CELF2: variants seen among roughly 807,000 people sequenced by gnomAD.
CELF2 encodes the protein CUGBP Elav-like family member 2.
Under a neutral mutation model 62.6 loss-of-function variants are expected in CELF2, and 8 were observed. That is an observed-to-expected ratio of 0.13 (90% CI 0.07 to 0.23). CELF2 has a LOEUF of 0.23. Among genes scored for constraint, CELF2 ranks in the 10% least tolerant of loss-of-function variants. The pLI, the probability that CELF2 is intolerant of heterozygous loss-of-function variation, is 1.00. For missense variants in CELF2, 333 were observed against 671.0 expected (o/e 0.50, Z 5.56); for synonymous variants, 258 against 250.0 (o/e 1.03, Z -0.30).
At chr10:10,674,646 G>C in the CELF2 span, among the ~76,000 whole-genome samples, 1 of 152,030 alleles carries the variant, frequency 6.6e-6, no homozygotes, top group Non-Finnish European at 1.5e-5. Context: ...TTGAGGATTT[G>C]ATATGACTCT....
intron 1 of CELF2, chr10:11,030,622 C>G (rs1055711579): frequency 6.6e-6 from 1 of 152,268 alleles, no homozygotes; most frequent in Non-Finnish European, 1.5e-5. Flanking sequence ...CTCTGTTCCT[C>G]GTTTCCAAAG....
chr10:10,515,967 G>A, the CELF2 span, among the ~76,000 whole-genome samples: 1 of 152,172 alleles, frequency 6.6e-6, no homozygotes, highest in Non-Finnish European at 1.5e-5. Flanking sequence ...ACCAATCTTA[G>A]ATTTGATAAG....
Position 11,046,234 on chromosome 10 carries a change from C to T in CELF2, c.74+28071C>T, listed in dbSNP as rs1411624107. ...ACGCTGGGCCCATCCCCAGACGTTC[C>T]GATTCAGCGGGTCCAAGGTGGGGCT... On this transcript the variant is annotated intron_variant, in intron 1 of 12. Coordinates refer to ENST00000633077, the MANE Select transcript of CELF2 (RefSeq NM_001326342.2). The surrounding 1 kb of genome is among the most constrained non-coding windows in gnomAD (Gnocchi z 4.6). 2.6e-5 allele frequency among the ~76,000 whole-genome samples: 4 copies of T among 152,174 alleles called. No homozygotes were observed. Among genetic ancestry groups the T allele is most frequent in the East Asian group, 1.9e-4 (1 of 5,192 alleles).
the CELF2 span, among the ~76,000 whole-genome samples, chr10:10,691,741 A>G: frequency 2.5e-4 from 36 of 145,680 alleles, no homozygotes; most frequent in Admixed American, 8.9e-4. Flanking sequence ...TTTGATTTGC[A>G]TTTCTCTGAT....
intron 1 of CELF2, among the ~76,000 whole-genome samples, chr10:10,896,510 A>G (rs367559742): frequency 6.6e-6 from 1 of 152,020 alleles, no homozygotes; most frequent in African/African-American, 2.4e-5. Flanking sequence ...ATGGGGTCAC[A>G]CTAGATTAGG....
At chr10:11,215,797 TA>T (rs2063201949) in intron 2 of CELF2, among the ~76,000 whole-genome samples, 1 of 152,202 alleles carries the variant, frequency 6.6e-6, no homozygotes, top group South Asian at 2.1e-4. Context: ...GTTTTTCTTC[TA>T]AAAATGGTTA....
intron 3 of CELF2, among the ~76,000 whole-genome samples, chr10:11,230,713 T>G (rs2068326813): frequency 6.6e-6 from 1 of 152,202 alleles, no homozygotes; most frequent in South Asian, 2.1e-4. Context: ...AATCTCTGAG[T>G]GGGACTTACA....
the CELF2 span, among the ~76,000 whole-genome samples, chr10:10,490,037 C>A: frequency 6.6e-6 from 1 of 152,088 alleles, no homozygotes; most frequent in Non-Finnish European, 1.5e-5. Context: ...TGTTATTTAT[C>A]TGAAACATCA....
At chr10:11,084,915 T>C (rs2075016092) in intron 1 of CELF2, among the ~76,000 whole-genome samples, 1 of 152,240 alleles carries the variant, frequency 6.6e-6, no homozygotes, top group Non-Finnish European at 1.5e-5. Context: ...TTAATATCAT[T>C]ACGGAAATTC....
At position 10,990,604 on chromosome 10, in the gene CELF2, A is replaced by G. The variant is rs541579822; in HGVS notation, c.89+70605A>G. On this transcript the variant is annotated intron_variant, in intron 2 of 13. Coordinates refer to the CELF2 transcript ENST00000636488. The surrounding 1 kb of genome is among the most constrained non-coding windows in gnomAD (Gnocchi z 4.6). ...TAAAGTTTTAGTAGTATAATAGTAT[A>G]ATATACGCTCAGTGGCAATTCAGTG... 3.1e-4 allele frequency among the ~76,000 whole-genome samples: 47 copies of G among 152,320 alleles called. No individual in the cohort carries two copies. The South Asian group carries it at 4.4e-3, about 14-fold the overall frequency.
chr10:10,849,326 C>T (rs1283777671), intron 1 of CELF2, among the ~76,000 whole-genome samples: 2 of 151,924 alleles, frequency 1.3e-5, no homozygotes, highest in African/African-American at 2.4e-5. Context: ...AGAAGAATCA[C>T]GAACCAGGAG....
the CELF2 span, among the ~76,000 whole-genome samples, chr10:10,622,731 G>T: frequency 6.6e-6 from 1 of 152,166 alleles, no homozygotes; most frequent in East Asian, 1.9e-4. Context: ...TAGTAATGAG[G>T]TGAAGGAGAG....
the CELF2 span, among the ~76,000 whole-genome samples, chr10:10,715,724 T>C: frequency 1.3e-5 from 2 of 152,176 alleles, no homozygotes; most frequent in Non-Finnish European, 2.9e-5. Flanking sequence ...GAGACTAAAA[T>C]AACTCCTCTC....
the CELF2 span, among the ~76,000 whole-genome samples, chr10:10,513,564 C>A: frequency 6.6e-6 from 1 of 151,996 alleles, no homozygotes; most frequent in African/African-American, 2.4e-5. Context: ...AGCAAGGAAA[C>A]CTCATTTTAT....
chr10:10,986,194 G>T (rs890855872), intron 2 of CELF2, among the ~76,000 whole-genome samples: 1 of 151,830 alleles, frequency 6.6e-6, no homozygotes, highest in Non-Finnish European at 1.5e-5. Flanking sequence ...AAAAAAAAAG[G>T]TATATTCTCT....
At chr10:10,614,275 A>G in the CELF2 span, among the ~76,000 whole-genome samples, 1 of 151,992 alleles carries the variant, frequency 6.6e-6, no homozygotes, top group Non-Finnish European at 1.5e-5. Flanking sequence ...TTGAACACCA[A>G]TTAGATGACT....
chr10:10,676,233 T>C, the CELF2 span, among the ~76,000 whole-genome samples: 2 of 152,174 alleles, frequency 1.3e-5, no homozygotes, highest in African/African-American at 4.8e-5. Flanking sequence ...TGGAGTGGGC[T>C]AGAGTTGAGT....
intron 1 of CELF2, among the ~76,000 whole-genome samples, chr10:10,844,042 G>A (rs942608696): frequency 1.3e-5 from 2 of 151,746 alleles, no homozygotes; most frequent in East Asian, 1.9e-4. Flanking sequence ...GTCCTACCTC[G>A]GGTGCTTCTG....
At position 11,296,905 on chromosome 10, in the gene CELF2, A is replaced by G. The variant is rs2093245732; in HGVS notation, c.976+8353A>G. ...TGCAGAAATAGCATTTAATCAGCAA[A>G]TGGAAGTTCATCTCACTTTTCACAA... On this transcript the variant is annotated intron_variant, in intron 9 of 12. Transcript: ENST00000633077. The surrounding 1 kb of genome is among the most constrained non-coding windows in gnomAD (Gnocchi z 5.0). Among the ~76,000 whole-genome samples the G allele has an allele frequency of 6.6e-6, 1 of 152,222 alleles. No homozygotes were observed. Among genetic ancestry groups the G allele is most frequent in the Non-Finnish European group, 1.5e-5 (1 of 68,030 alleles).
Sources: gnomAD v4.1 joint callset for allele counts (sites outside exome capture counted in the v4.1 genomes callset) on GRCh38, gnomAD v4.1.1 for gene constraint, Gnocchi (gnomAD v3.1) non-coding constraint, MANE v1.5 for transcripts, NCBI Gene and HGNC (gene_info 2026-07-23, HGNC 2026-07-21) for gene names.